Variants in ZNF44 observed in about 807,000 individuals in gnomAD.
ZNF44 encodes zinc finger protein 44.
A neutral mutation model predicts 11.7 loss-of-function variants in ZNF44; 9 were observed. That is an observed-to-expected ratio of 0.77 (90% CI 0.46 to 1.35). The LOEUF is 1.35. Ranked by LOEUF, ZNF44 falls within the 40% of genes most tolerant of loss-of-function variation. ZNF44 has a pLI of 0.00. For synonymous variants in ZNF44, 224 were observed against 242.7 expected, an observed-to-expected ratio of 0.92 and a Z score of 0.72; for missense variants, 696 against 743.1, an observed-to-expected ratio of 0.94 and a Z score of 0.74.
intron 1 of ZNF44, among the ~76,000 whole-genome samples, chr19:12,289,996 C>T (rs1238658195): frequency 1.3e-5 from 2 of 152,106 alleles, no homozygotes; most frequent in African/African-American, 4.8e-5. Flanking sequence ...AGTGACAGCC[C>T]TACAATAACA....
At chr19:12,269,142 T>C (rs1035349424), downstream of ZNF44, among the ~76,000 whole-genome samples, 3 of 125,916 alleles carry the variant, frequency 2.4e-5, no homozygotes, top group African/African-American at 7.7e-5. Flanking sequence ...ACACTGACTG[T>C]CTGCCCAGCA....
upstream of ZNF44, chr19:12,237,672 A>G (rs1438281322): frequency 2.0e-5 from 3 of 151,964 alleles, no homozygotes; most frequent in Non-Finnish European, 4.4e-5. Flanking sequence ...TACCCCTAGG[A>G]TAGGAATCAA....
At chr19:12,228,179 C>CAATTG (rs1406290012) in intron 3 of ZNF44, among the ~76,000 whole-genome samples, 122 of 105,952 alleles carry the variant, frequency 1.2e-3, no homozygotes, top group African/African-American at 5.2e-3. Flanking sequence ...TTTAACTTAA[C>CAATTG]TTTTTTAAAC....
downstream of ZNF44, among the ~76,000 whole-genome samples, chr19:12,271,346 C>T (rs1380240599): frequency 6.6e-6 from 1 of 152,062 alleles, no homozygotes; most frequent in Non-Finnish European, 1.5e-5. Context: ...GAAGACATAC[C>T]CTTCAACACA....
chr19:12,293,386 TAC>T, intron 1 of ZNF44: 12 of 1,535,438 alleles, frequency 7.8e-6, no homozygotes, highest in Non-Finnish European at 1.0e-5. Context: ...CTGGAAAAGA[TAC>T]AGGGTGGGCT....
intron 5 of ZNF44, among the ~76,000 whole-genome samples, chr19:12,256,104 T>C (rs1917248051): frequency 6.8e-6 from 1 of 147,256 alleles, no homozygotes; most frequent in Admixed American, 6.8e-5. Context: ...ATTAATTGCA[T>C]GGCAATTTGA....
At chr19:12,251,790 G>A (rs761079171) in intron 5 of ZNF44, among the ~76,000 whole-genome samples, 1 of 152,058 alleles carries the variant, frequency 6.6e-6, no homozygotes, top group Non-Finnish European at 1.5e-5. Flanking sequence ...GTTGGCTCAC[G>A]CCTGTAATCC....
At chr19:12,237,007 A>G (rs1916415745) in intron 1 of ZNF44, 2 of 152,276 alleles carry the variant, frequency 1.3e-5, no homozygotes, top group South Asian at 4.1e-4. Context: ...GACCCCAAAG[A>G]ACAAGCCATG....
chr19:12,252,016 A>G (rs1271318418), intron 5 of ZNF44, among the ~76,000 whole-genome samples: 1 of 150,570 alleles, frequency 6.6e-6, no homozygotes, highest in East Asian at 1.9e-4. Context: ...GCACCATTGC[A>G]CTCCAGCCTG....
rs536233454 is a variant in ZNF44, at chr19:12,254,045, T to C, written c.1913-3677A>G. Among the ~76,000 whole-genome samples the C allele has an allele frequency of 3.2e-4, 48 of 151,526 alleles. No individual in the cohort carries two copies. In the South Asian group the frequency reaches 9.8e-3, roughly 31 times the overall value. ...CACCAAACAATAGATTCCACTGAAA[T>C]ACATGGAATCCTTCATCCAACTACA... On this transcript the variant is annotated intron_variant and NMD_transcript_variant, in intron 5 of 7. Transcript: ENST00000393337.
chr19:12,283,605 A>C (rs532461928), intron 1 of ZNF44, among the ~76,000 whole-genome samples: 1 of 152,368 alleles, frequency 6.6e-6, no homozygotes, highest in African/African-American at 2.4e-5. Context: ...CTGGGATTAC[A>C]GGCATAAGCC....
At chr19:12,258,170 A>AG in intron 5 of ZNF44, among the ~76,000 whole-genome samples, 1 of 148,478 alleles carries the variant, frequency 6.7e-6, no homozygotes, top group Non-Finnish European at 1.5e-5. Flanking sequence ...CAAAAAAAAA[A>AG]AAAAAAAAAA....
downstream of ZNF44, among the ~76,000 whole-genome samples, chr19:12,270,843 G>T (rs1278695550): frequency 6.6e-6 from 1 of 152,156 alleles, no homozygotes; most frequent in South Asian, 2.1e-4. Context: ...AATTGCAGAT[G>T]CAACTGTGCT....
At chr19:12,239,568 ATTTTTTTT>A (rs1158604076), upstream of ZNF44, among the ~76,000 whole-genome samples, 122 of 76,050 alleles carry the variant, frequency 1.6e-3, no homozygotes, top group Non-Finnish European at 3.0e-3. Context: ...CCCAAGTTGC[ATTTTTTTT>A]TTTTTTTTTT....
At chr19:12,260,416 T>A in intron 5 of ZNF44, 1 of 1,444,012 alleles carries the variant, frequency 6.9e-7, no homozygotes, top group Non-Finnish European at 9.6e-7. Context: ...CACATGATCC[T>A]CAAGAACAAG....
intron 5 of ZNF44, among the ~76,000 whole-genome samples, chr19:12,263,857 A>G (rs533691632): frequency 9.0e-4 from 137 of 151,474 alleles, no homozygotes; most frequent in African/African-American, 3.1e-3. Context: ...CCCAGGAGGC[A>G]GAGCTTCCAG....
intron 5 of ZNF44, among the ~76,000 whole-genome samples, chr19:12,264,717 A>AG (rs1917657918): frequency 6.6e-6 from 1 of 152,034 alleles, no homozygotes. Context: ...TTTTTTTTAG[A>AG]GGGGGTCTCA....
rs769230592 is a variant in ZNF44 at position 12,273,764 on chromosome 19, G to C, written c.491C>G (p.Thr164Ser). 21 of 1,614,044 alleles carry C rather than the reference G, an allele frequency of 1.3e-5. No homozygotes were observed. In the Admixed American group the frequency reaches 3.3e-4, roughly 26 times the overall value. ...HSFQTCERPHTGKKPYDCKEC... is the reference protein window; with the variant it reads ...HSFQTCERPHSGKKPYDCKEC... ...CTTACAATCATAGGGTTTCTTTCCA[G>C]TGTGAGGCCTTTCACATGTTTGAAA... is the stretch of plus-strand genomic sequence containing the variant. The change falls in exon 4 of 4, where the codon ACT (threonine) becomes AGT (serine). Residue 164 changes from threonine to serine, a missense_variant. By Grantham distance (58) the Thr-to-Ser change is moderately conservative. Transcript: ENST00000355684.
At chr19:12,225,203 T>G (rs999373809), downstream of ZNF44, 1 of 152,374 alleles carries the variant, frequency 6.6e-6, no homozygotes, top group Admixed American at 6.6e-5. Flanking sequence ...ATCGGGTTGG[T>G]AGGAGCAGTG....
Sources: gnomAD v4.1 joint callset for allele counts (sites outside exome capture counted in the v4.1 genomes callset) on GRCh38, gnomAD v4.1.1 for gene constraint, MANE v1.5 for transcripts, NCBI Gene and HGNC (gene_info 2026-07-23, HGNC 2026-07-21) for gene names.